The following SCAPER variants were observed in gnomAD, a reference collection of about 807,000 sequenced individuals.
The protein encoded by SCAPER is S phase cyclin A-associated protein in the endoplasmic reticulum.
Under a neutral mutation model 182.2 loss-of-function variants are expected in SCAPER, and 98 were observed. That is an observed-to-expected ratio of 0.54 (90% CI 0.46 to 0.64). SCAPER has a LOEUF of 0.64. Ranked by LOEUF, SCAPER falls within the 30% of genes least tolerant of loss-of-function variation. The pLI, the probability that SCAPER is intolerant of heterozygous loss-of-function variation, is 0.00. For synonymous variants in SCAPER, 605 were observed against 564.6 expected (o/e 1.07, Z -1.01); for missense variants, 1,432 against 1,690.0 (o/e 0.85, Z 2.68).
chr15:76,504,706 C>T (rs2041429528), intron 24 of SCAPER, among the ~76,000 whole-genome samples, 153 bp downstream of exon 24: 1 of 152,180 alleles, frequency 6.6e-6, no homozygotes, highest in Non-Finnish European at 1.5e-5. Context: ...TGACGTTGAG[C>T]ACCTCTGTTT....
intron 23 of SCAPER, among the ~76,000 whole-genome samples, chr15:76,541,251 A>G (rs1190880716): frequency 1.3e-5 from 2 of 152,140 alleles, no homozygotes; most frequent in African/African-American, 4.8e-5. Context: ...ATACACATAT[A>G]CCTTTGAAAT....
intron 5 of SCAPER, among the ~76,000 whole-genome samples, chr15:76,818,077 G>C (rs1395027282): frequency 6.6e-6 from 1 of 152,136 alleles, no homozygotes; most frequent in Non-Finnish European, 1.5e-5. Context: ...ATCAAGACAG[G>C]GTGGTACTAG....
In SCAPER at chr15:76,500,991, C is replaced by T. The variant is rs75031189; in HGVS notation, c.2954+3868G>A. ...CCAGGAGGCGCAAGTTACAGTGAGC[C>T]GAGATGGCACCACTGCACTCCAGCC... On this transcript the variant is annotated intron_variant, in intron 24 of 31. Coordinates refer to ENST00000563290, the MANE Select transcript of SCAPER (RefSeq NM_020843.4). 1.5e-4 allele frequency among the ~76,000 whole-genome samples: 23 copies of T among 151,156 alleles called. No individual in the cohort carries two copies. The East Asian group carries it at 4.1e-3, about 27-fold the overall frequency.
At chr15:76,456,822 G>T (rs546540820) in intron 25 of SCAPER, among the ~76,000 whole-genome samples, 1 of 152,056 alleles carries the variant, frequency 6.6e-6, no homozygotes, top group Non-Finnish European at 1.5e-5. Flanking sequence ...TCTTCCTGTT[G>T]ATTTGATATC....
intron 23 of SCAPER, among the ~76,000 whole-genome samples, chr15:76,569,123 G>A (rs551678892): frequency 6.6e-6 from 1 of 151,526 alleles, no homozygotes; most frequent in East Asian, 1.9e-4. Flanking sequence ...TATTTTTGTT[G>A]TACACAATTT....
At chr15:76,505,016 C>T (rs1214134404) in intron 23 of SCAPER, 42 bp from the exon 24 acceptor site, 8 of 1,440,712 alleles carry the variant, frequency 5.6e-6, no homozygotes, top group African/African-American at 1.4e-5. Context: ...ATTTCCCAGG[C>T]ATTAAACTAT....
chr15:76,440,729 A>C (rs1222676061), intron 25 of SCAPER, among the ~76,000 whole-genome samples: 1 of 152,130 alleles, frequency 6.6e-6, no homozygotes, highest in Non-Finnish European at 1.5e-5. Context: ...AACATGCAAC[A>C]GTCTTTTTGC....
intron 15 of SCAPER, among the ~76,000 whole-genome samples, chr15:76,745,753 T>C (rs2061761660): frequency 6.6e-6 from 1 of 152,116 alleles, no homozygotes; most frequent in Non-Finnish European, 1.5e-5. Context: ...AGTAAGTATA[T>C]CAAGCAATTA....
chr15:76,823,629 A>G (rs1178160807), intron 5 of SCAPER, among the ~76,000 whole-genome samples: 2 of 152,078 alleles, frequency 1.3e-5, no homozygotes, highest in African/African-American at 2.4e-5. Context: ...CTTAGTCATA[A>G]AAGTTACATT....
chr15:76,628,937 T>C (rs2052833877), intron 21 of SCAPER, among the ~76,000 whole-genome samples: 1 of 152,234 alleles, frequency 6.6e-6, no homozygotes, highest in African/African-American at 2.4e-5. Flanking sequence ...TTGTGTCTGC[T>C]CTGATTTCTT....
At chr15:76,703,273 TA>T in intron 18 of SCAPER, among the ~76,000 whole-genome samples, 1 of 152,174 alleles carries the variant, frequency 6.6e-6, no homozygotes, top group Non-Finnish European at 1.5e-5. Flanking sequence ...AAGCTAAAAC[TA>T]AACAGGTTTT....
At chr15:76,472,522 T>C (rs991489614) in intron 24 of SCAPER, among the ~76,000 whole-genome samples, 7 of 152,188 alleles carry the variant, frequency 4.6e-5, no homozygotes, top group African/African-American at 1.7e-4. Context: ...CCTGCCACCA[T>C]GCACGGCTAA....
chr15:76,579,532 T>C (rs926142742), intron 22 of SCAPER, among the ~76,000 whole-genome samples: 4 of 144,078 alleles, frequency 2.8e-5, no homozygotes, highest in Non-Finnish European at 6.1e-5. Context: ...ACACAAAAGA[T>C]TCATAAAAAA....
intron 22 of SCAPER, among the ~76,000 whole-genome samples, chr15:76,616,743 T>C (rs952918102): frequency 1.3e-5 from 2 of 152,130 alleles, no homozygotes; most frequent in African/African-American, 4.8e-5. Context: ...CTTGTTGATA[T>C]ATATAGTTTT....
intron 8 of SCAPER, among the ~76,000 whole-genome samples, chr15:76,786,399 T>G (rs1200048922): frequency 6.7e-6 from 1 of 149,660 alleles, no homozygotes; most frequent in Non-Finnish European, 1.5e-5. Context: ...AATCATCAGA[T>G]CATATCAACT....
chr15:76,742,870 T>C (rs2061620514), intron 15 of SCAPER, among the ~76,000 whole-genome samples: 1 of 152,092 alleles, frequency 6.6e-6, no homozygotes, highest in Non-Finnish European at 1.5e-5. Context: ...ATTACTGGAT[T>C]ATTAGTACTT....
chr15:76,765,756 T>A, intron 11 of SCAPER, 118 bp from the exon 12 acceptor site: 1 of 864,672 alleles, frequency 1.2e-6, no homozygotes, highest in Non-Finnish European at 1.8e-6. Context: ...TAACCAACAG[T>A]TGAAAACCAG....
chr15:76,511,867 GTGTGTA>G (rs1359603427), intron 23 of SCAPER, among the ~76,000 whole-genome samples: 19 of 98,190 alleles, frequency 1.9e-4, no homozygotes, highest in South Asian at 1.2e-3. Context: ...GTGTGTGTGT[GTGTGTA>G]TATATATATA....
chr15:76,882,855 G>A (rs755523279), intron 2 of SCAPER, among the ~76,000 whole-genome samples: 10 of 152,182 alleles, frequency 6.6e-5, no homozygotes, highest in Non-Finnish European at 1.5e-4. Context: ...TAGCAGAGAC[G>A]GGGTTTCACC....
Sources: gnomAD v4.1 joint callset for allele counts (sites outside exome capture counted in the v4.1 genomes callset) on GRCh38, gnomAD v4.1.1 for gene constraint, MANE v1.5 for transcripts, NCBI Gene and HGNC (gene_info 2026-07-23, HGNC 2026-07-21) for gene names.